Variants in CNTNAP5 observed in about 807,000 individuals in gnomAD.
CNTNAP5 encodes contactin associated protein family member 5, also known as contactin-associated protein-like 5.
CNTNAP5 carries 72 observed loss-of-function variants against 150.2 expected under a neutral mutation model. The ratio of observed to expected loss-of-function variants is 0.48; its 90% CI spans 0.40 to 0.58. The LOEUF (loss-of-function observed/expected upper bound fraction) is 0.58, where lower values mean the gene tolerates loss of function less well. Ranked by LOEUF, CNTNAP5 falls within the 20% of genes least tolerant of loss-of-function variation. The pLI is 0.00. For missense variants in CNTNAP5, 1,636 were observed against 1,626.2 expected (o/e 1.01, Z -0.10); for synonymous variants, 672 against 619.8 (o/e 1.08, Z -1.25).
chr2:124,129,338 G>C (rs1683791278), intron 1 of CNTNAP5, among the ~76,000 whole-genome samples: 1 of 152,156 alleles, frequency 6.6e-6, no homozygotes, highest in South Asian at 2.1e-4. Context: ...AAGCCAGTGG[G>C]ATGAAGAGAA....
chr2:124,578,364 A>G (rs1197036297), intron 11 of CNTNAP5, among the ~76,000 whole-genome samples: 2 of 151,004 alleles, frequency 1.3e-5, no homozygotes, highest in African/African-American at 4.9e-5. Flanking sequence ...TGAACATGTG[A>G]AAAAAAACTG....
intron 11 of CNTNAP5, among the ~76,000 whole-genome samples, chr2:124,576,650 G>A (rs184453165): frequency 2.6e-5 from 4 of 152,272 alleles, no homozygotes; most frequent in Admixed American, 2.0e-4. Context: ...GTATGAAAAA[G>A]GAATTGTTTT....
intron 4 of CNTNAP5, among the ~76,000 whole-genome samples, chr2:124,429,338 T>A (rs1456513189): frequency 6.6e-6 from 1 of 152,150 alleles, no homozygotes; most frequent in Non-Finnish European, 1.5e-5. Context: ...GGAAGCTGAT[T>A]CTAAGTTAAT....
Position 124,239,338 on chromosome 2 carries a change from GAA to G in CNTNAP5, c.188-2858_188-2857del, listed in dbSNP as rs1573859228. On this transcript the variant is annotated intron_variant, in intron 2 of 23. Transcript: ENST00000682447. ...CATATGCTAATTAGAATAGATGAAG[GAA>G]AAACTTTAAAGCATGATGAGGAAGT... Among the ~76,000 whole-genome samples, 3 of 152,118 alleles carry G rather than the reference GAA, an allele frequency of 2.0e-5. No individual in the cohort carries two copies. In the South Asian group the frequency reaches 6.2e-4, roughly 32 times the overall value.
At chr2:124,209,119 C>T (rs1217051754) in intron 1 of CNTNAP5, among the ~76,000 whole-genome samples, 3 of 152,160 alleles carry the variant, frequency 2.0e-5, no homozygotes, top group Non-Finnish European at 2.9e-5. Context: ...TTCTATCTCA[C>T]ACATTCACTT....
intron 8 of CNTNAP5, among the ~76,000 whole-genome samples, chr2:124,509,658 G>A (rs1219746550): frequency 1.3e-5 from 2 of 152,166 alleles, no homozygotes; most frequent in African/African-American, 4.8e-5. Context: ...CAAGTTCATG[G>A]TCTTTACACA....
At chr2:124,857,883 T>C (rs1677416037) in intron 19 of CNTNAP5, among the ~76,000 whole-genome samples, 1 of 152,008 alleles carries the variant, frequency 6.6e-6, no homozygotes, top group African/African-American at 2.4e-5. Context: ...TAACACACTC[T>C]AGGCGAGACA....
At chr2:124,509,496 T>C (rs1694504738) in intron 8 of CNTNAP5, among the ~76,000 whole-genome samples, 1 of 152,206 alleles carries the variant, frequency 6.6e-6, no homozygotes, top group Admixed American at 6.5e-5. Flanking sequence ...TTAGGCATTG[T>C]GCTAGGGGCT....
At chr2:124,617,443 A>C (rs543364617) in intron 12 of CNTNAP5, among the ~76,000 whole-genome samples, 1 of 152,212 alleles carries the variant, frequency 6.6e-6, no homozygotes, top group South Asian at 2.1e-4. Context: ...GCACTCCTTC[A>C]CTTGCAGCCT....
intron 18 of CNTNAP5, 146 bp from the exon 19 acceptor site, chr2:124,797,950 A>G: frequency 1.6e-6 from 1 of 626,936 alleles, no homozygotes; most frequent in Non-Finnish European, 2.8e-6. Flanking sequence ...TGCCACTTCA[A>G]AATTATTGTG....
At chr2:124,290,921 G>T (rs1688273822) in intron 3 of CNTNAP5, among the ~76,000 whole-genome samples, 1 of 137,894 alleles carries the variant, frequency 7.3e-6, no homozygotes, top group African/African-American at 2.6e-5. Context: ...TTTATTTTAA[G>T]CAGGGATAAT....
intron 12 of CNTNAP5, among the ~76,000 whole-genome samples, chr2:124,624,297 G>C (rs1379630751): frequency 6.6e-6 from 1 of 152,152 alleles, no homozygotes; most frequent in African/African-American, 2.4e-5. Flanking sequence ...GTTTTAGCAC[G>C]GCCAGTTGAC....
At chr2:124,181,288 T>G (rs1419140431) in intron 1 of CNTNAP5, among the ~76,000 whole-genome samples, 1 of 152,080 alleles carries the variant, frequency 6.6e-6, no homozygotes, top group African/African-American at 2.4e-5. Context: ...ATGTAAGAAT[T>G]TTTGTGTTCG....
intron 13 of CNTNAP5, among the ~76,000 whole-genome samples, chr2:124,738,535 C>T (rs141335013): frequency 0.035 from 5,342 of 152,064 alleles, 331 homozygotes; most frequent in African/African-American, 0.12. Flanking sequence ...GAGTTCAAGA[C>T]CAGGCTGGCC....
chr2:124,852,421 T>A (rs981647038), intron 19 of CNTNAP5, among the ~76,000 whole-genome samples: 2 of 152,088 alleles, frequency 1.3e-5, no homozygotes, highest in African/African-American at 4.8e-5. Flanking sequence ...AGGAGTGAGC[T>A]AGCACATTAG....
intron 7 of CNTNAP5, among the ~76,000 whole-genome samples, chr2:124,475,996 A>G (rs913802848): frequency 6.6e-6 from 1 of 150,964 alleles, no homozygotes; most frequent in Non-Finnish European, 1.5e-5. Context: ...TTAAAATTCT[A>G]TTTTTCTTAT....
chr2:124,856,430 G>A (rs1035554799), intron 19 of CNTNAP5, among the ~76,000 whole-genome samples: 3 of 152,136 alleles, frequency 2.0e-5, no homozygotes, highest in Non-Finnish European at 4.4e-5. Context: ...TTCTACAATG[G>A]TTGTACTAGT....
chr2:124,822,926 G>A (rs140142329), intron 19 of CNTNAP5, among the ~76,000 whole-genome samples: 177 of 152,284 alleles, frequency 1.2e-3, no homozygotes, highest in African/African-American at 4.0e-3. Flanking sequence ...AATATTTCCC[G>A]AGTCCCAACT....
At chr2:124,587,336 G>T (rs1319981455) in intron 11 of CNTNAP5, among the ~76,000 whole-genome samples, 1 of 152,112 alleles carries the variant, frequency 6.6e-6, no homozygotes, top group Non-Finnish European at 1.5e-5. Context: ...AATGACAGAT[G>T]CATTTAAGGC....
Sources: allele counts gnomAD v4.1 joint callset (sites outside exome capture counted in the v4.1 genomes callset), GRCh38; gene constraint gnomAD v4.1.1; transcripts MANE v1.5; gene names NCBI Gene and HGNC (gene_info 2026-07-23, HGNC 2026-07-21).